Variants in DAPK1 observed in about 807,000 individuals in gnomAD.
The protein encoded by DAPK1 is death-associated protein kinase 1.
Under a neutral mutation model 144.9 loss-of-function variants are expected in DAPK1, and 56 were observed. The ratio of observed to expected loss-of-function variants is 0.39; its 90% CI spans 0.31 to 0.48. DAPK1 has a LOEUF of 0.48. DAPK1 is among the 20% of genes least tolerant of loss of function. The pLI is 0.95. For synonymous variants in DAPK1, 690 were observed against 749.0 expected, an observed-to-expected ratio of 0.92 and a Z score of 1.29; for missense variants, 1,454 against 1,875.4, an observed-to-expected ratio of 0.78 and a Z score of 4.15.
At chr9:87,555,558 C>T (rs1359576057) in intron 2 of DAPK1, among the ~76,000 whole-genome samples, 1 of 151,422 alleles carries the variant, frequency 6.6e-6, no homozygotes, top group Non-Finnish European at 1.5e-5. Context: ...GGCTGGAGTG[C>T]AATGGTGTGA....
chr9:87,657,278 C>T (rs1291803989), intron 17 of DAPK1: 1 of 152,206 alleles, frequency 6.6e-6, no homozygotes, highest in East Asian at 1.9e-4. Flanking sequence ...CTTCCATGAC[C>T]ACATTACGTA....
intron 13 of DAPK1, among the ~76,000 whole-genome samples, chr9:87,647,013 AT>A (rs1431990293): frequency 1.3e-5 from 2 of 152,242 alleles, no homozygotes; most frequent in African/African-American, 2.4e-5. Context: ...ATAATTGTTT[AT>A]AAGCAATTGT....
intron 2 of DAPK1, among the ~76,000 whole-genome samples, chr9:87,576,189 C>T (rs114441943): frequency 0.018 from 2,715 of 152,222 alleles, 63 homozygotes; most frequent in African/African-American, 0.059. Context: ...CACACACATG[C>T]GTACACACGT....
intron 11 of DAPK1, among the ~76,000 whole-genome samples, chr9:87,644,702 C>T (rs1830209331): frequency 6.6e-6 from 1 of 152,176 alleles, no homozygotes; most frequent in African/African-American, 2.4e-5. Context: ...ATTGAAATCA[C>T]TGAATATTCA....
At chr9:87,592,672 A>G (rs1468495625) in intron 2 of DAPK1, among the ~76,000 whole-genome samples, 71 of 152,088 alleles carry the variant, frequency 4.7e-4, no homozygotes, top group Non-Finnish European at 7.4e-5. Flanking sequence ...GATAAGCTGC[A>G]TGCTTGCTCG....
intron 10 of DAPK1, among the ~76,000 whole-genome samples, chr9:87,642,529 T>C (rs2119142306): frequency 6.6e-6 from 1 of 152,178 alleles, no homozygotes; most frequent in Admixed American, 6.5e-5. Context: ...TTCCTCAGTG[T>C]GGATGGCCTC....
chr9:87,528,871 C>CAAA (rs34492541), intron 2 of DAPK1, among the ~76,000 whole-genome samples: 2 of 104,916 alleles, frequency 1.9e-5, no homozygotes, highest in Non-Finnish European at 3.8e-5. Context: ...GACTCCATCT[C>CAAA]AAAAAAAAAA....
intron 20 of DAPK1, among the ~76,000 whole-genome samples, chr9:87,683,848 C>T (rs761073716): frequency 6.6e-6 from 1 of 152,234 alleles, no homozygotes; most frequent in African/African-American, 2.4e-5. Flanking sequence ...ACACCAGCTG[C>T]TTTCAGCCCA....
At position 87,500,670 on chromosome 9, in the gene DAPK1, A is replaced by G. The variant is rs187755119; in HGVS notation, c.62+1531A>G. On this transcript the variant is annotated intron_variant, in intron 2 of 25. Coordinates refer to ENST00000408954, the MANE Select transcript of DAPK1 (RefSeq NM_004938.4). ...TGTTATGAGAAAGAAATAGAAAAAG[A>G]GGCCTCCCTGTGGTTGGCGAAGGGA... 1.4e-3 allele frequency among the ~76,000 whole-genome samples: 209 copies of G among 152,226 alleles called. 2 individuals are homozygous for G. The highest frequency in any genetic ancestry group is 4.8e-3 in the African/African-American group (200 of 41,530).
In DAPK1 at chr9:87,706,117, G is replaced by A. The variant is rs554644779; in HGVS notation, c.3061-15G>A. 7 of 1,568,008 alleles carry A rather than the reference G, an allele frequency of 4.5e-6. No individual in the cohort carries two copies. The South Asian group carries it at 7.1e-5, about 16-fold the overall frequency. On this transcript the variant is annotated splice_polypyrimidine_tract_variant and intron_variant, in intron 25 of 25. Transcript: ENST00000408954. The surrounding 1 kb of genome is among the most constrained non-coding windows in gnomAD (Gnocchi z 9.0). ...GCTCTGTCCCTAAGCGTGACTTTCT[G>A]TTGTCCCCCCGCAGATCAACATCAT...
At chr9:87,650,200 C>T in intron 16 of DAPK1, 82 bp downstream of exon 16, 8 of 1,422,456 alleles carry the variant, frequency 5.6e-6, no homozygotes, top group Non-Finnish European at 7.8e-6. Context: ...AGTTTGTTTC[C>T]CTAAGATAAC....
intron 2 of DAPK1, among the ~76,000 whole-genome samples, chr9:87,533,502 C>G (rs1460425333): frequency 1.3e-5 from 2 of 152,194 alleles, no homozygotes; most frequent in East Asian, 1.9e-4. Flanking sequence ...CTAGCCACCA[C>G]TGGGGAGCAG....
chr9:87,558,334 T>C (rs995336769), intron 2 of DAPK1, among the ~76,000 whole-genome samples: 1 of 152,208 alleles, frequency 6.6e-6, no homozygotes, highest in African/African-American at 2.4e-5. Flanking sequence ...AGCAGGCCAC[T>C]GGACTGCATT....
At chr9:87,697,652 AC>A (rs1243646407) in intron 22 of DAPK1, among the ~76,000 whole-genome samples, 1 of 152,180 alleles carries the variant, frequency 6.6e-6, no homozygotes, top group Non-Finnish European at 1.5e-5. Context: ...CTGTAATTCC[AC>A]TAAGAAACAA....
chr9:87,673,929 C>T (rs902912269), intron 19 of DAPK1, among the ~76,000 whole-genome samples: 4 of 152,260 alleles, frequency 2.6e-5, no homozygotes, highest in Non-Finnish European at 4.4e-5. Flanking sequence ...TACTTCCTTG[C>T]GCTCAGTCAG....
chr9:87,507,880 G>A (rs1824668842), intron 2 of DAPK1, among the ~76,000 whole-genome samples: 1 of 152,166 alleles, frequency 6.6e-6, no homozygotes, highest in African/African-American at 2.4e-5. Context: ...TAGGAAATAT[G>A]TGATGAATGA....
At chr9:87,597,157 C>T (rs979697618) in intron 2 of DAPK1, among the ~76,000 whole-genome samples, 2 of 152,192 alleles carry the variant, frequency 1.3e-5, no homozygotes, top group Non-Finnish European at 2.9e-5. Flanking sequence ...CTGCCACATT[C>T]TGTGGGTTAG....
intron 2 of DAPK1, among the ~76,000 whole-genome samples, chr9:87,601,656 A>G (rs1016770481): frequency 2.0e-5 from 3 of 152,044 alleles, no homozygotes; most frequent in African/African-American, 7.3e-5. Context: ...ATAATAGCTA[A>G]CAGTTACTGA....
At chr9:87,681,344 T>G in intron 19 of DAPK1, 60 bp from the exon 20 acceptor site, 11 of 888,900 alleles carry the variant, frequency 1.2e-5, no homozygotes, top group South Asian at 2.9e-5. Context: ...TTAGGAATCT[T>G]GAGAATCATT....
Sources: allele counts gnomAD v4.1 joint callset (sites outside exome capture counted in the v4.1 genomes callset), GRCh38; gene constraint gnomAD v4.1.1; non-coding constraint Gnocchi (gnomAD v3.1); transcripts MANE v1.5; gene names NCBI Gene and HGNC (gene_info 2026-07-23, HGNC 2026-07-21).